The following SPTAN1 variants were observed in gnomAD, a reference collection of about 807,000 sequenced individuals.
SPTAN1 encodes spectrin alpha chain, non-erythrocytic 1.
SPTAN1 carries 61 observed loss-of-function variants against 331.3 expected under a neutral mutation model. The observed-to-expected ratio is 0.18, with a 90% CI of 0.15 to 0.23. SPTAN1 has a LOEUF of 0.23. Ranked by LOEUF, SPTAN1 falls within the 10% of genes least tolerant of loss-of-function variation. The probability of loss-of-function intolerance (pLI) is 1.00; values close to 1 mark genes in which losing one functional copy is unlikely to be tolerated. For synonymous variants in SPTAN1, 1,153 were observed against 1,173.9 expected (o/e 0.98, Z 0.36); for missense variants, 2,043 against 3,147.9 (o/e 0.65, Z 8.40).
At chr9:128,563,428 A>T (rs1849645430) in intron 1 of SPTAN1, among the ~76,000 whole-genome samples, 1 of 152,154 alleles carries the variant, frequency 6.6e-6, no homozygotes, top group Non-Finnish European at 1.5e-5. Flanking sequence ...ACAAAAAACA[A>T]AAAAACGCCA....
At chr9:128,628,483 A>G (rs1859142368) in intron 51 of SPTAN1, 2 of 314,288 alleles carry the variant, frequency 6.4e-6, no homozygotes, top group Middle Eastern at 1.2e-3. Context: ...CCGCCCTAAT[A>G]GAAGGCAAAA....
chr9:128,583,372 G>T, intron 15 of SPTAN1, 91 bp downstream of exon 15: 1 of 1,299,960 alleles, frequency 7.7e-7, no homozygotes, highest in Non-Finnish European at 1.1e-6. Flanking sequence ...TACCCCCCAA[G>T]AAAGGTGAGG....
rs78401969 is a variant in SPTAN1, at chr9:128,591,703, G to A, written c.3155+78G>A. On this transcript the variant is annotated intron_variant, in intron 22 of 56. Transcript: ENST00000372739. ...GTTCCACATGGGCCGAAGCTTAGGC[G>A]TGTCCTGAGGCTCCTGGAGCCCACC... The A allele has an allele frequency of 6.1e-4, 966 of 1,581,952 alleles. 8 individuals are homozygous for A. The African/African-American group carries it at 0.011, about 17-fold the overall frequency.
At chr9:128,599,709 C>G (rs982558106) in intron 26 of SPTAN1, 3 of 157,554 alleles carry the variant, frequency 1.9e-5, no homozygotes, top group South Asian at 1.3e-4. Context: ...AAAAAAAAGT[C>G]TTCTGTCTCT....
Position 128,624,376 on chromosome 9 carries a change from G to A in SPTAN1, c.5881G>A (p.Gly1961Arg), listed in dbSNP as rs142498180. Residue 1961 changes from glycine (G) to arginine (R), a missense_variant, in exon 46 of 57, where the codon GGG becomes AGG. Gly to Arg is a moderately radical substitution (Grantham distance 125). Coordinates refer to ENST00000372739, the MANE Select transcript of SPTAN1 (RefSeq NM_001130438.3). ...CTCTTCAAAGATGAAGGGCCTGAAC[G>A]GGAAAGTGTCAGACCTGGAGAAAGC... is the stretch of plus-strand genomic sequence containing the variant. ...NISSKMKGLN[G>R]KVSDLEKAAA... is the part of the protein sequence containing the mutation. The A allele has an allele frequency of 2.2e-5, 36 of 1,614,018 alleles. No individual in the cohort carries two copies. Among genetic ancestry groups the A allele is most frequent in the African/African-American group, 1.6e-4 (12 of 75,034 alleles).
Position 128,632,968 on chromosome 9 carries a change from GGAGGTGGGTGAA to G in SPTAN1, c.7308+20_7308+31del. ...GGAGCTCTACCAGGTATGGGCCTCAGGAGGTGGGTGAAGAGGTGTCCTTTGGAAAACTAAAGC... is the reference window on the plus strand; with the variant it reads ...GGAGCTCTACCAGGTATGGGCCTCAGGAGGTGTCCTTTGGAAAACTAAAGC... On this transcript the variant is annotated intron_variant, in intron 56 of 56. Coordinates refer to ENST00000372739, the MANE Select transcript of SPTAN1 (RefSeq NM_001130438.3). 6.2e-7 allele frequency: 1 copy of G among 1,610,378 alleles called. No homozygotes were observed. Among genetic ancestry groups the G allele is most frequent in the African/African-American group, 1.3e-5 (1 of 75,066 alleles).
chr9:128,628,221 C>T (rs936311232), intron 51 of SPTAN1: 10 of 608,484 alleles, frequency 1.6e-5, no homozygotes, highest in African/African-American at 1.1e-4. Context: ...TGATGAAGCA[C>T]GAAGGCCAGA....
chr9:128,599,224 T>TC (rs1854727831), intron 26 of SPTAN1: 3 of 520,832 alleles, frequency 5.8e-6, no homozygotes. Context: ...AACCTCCACC[T>TC]CCCAGGTTCA....
chr9:128,607,769 C>T (rs1202954268), intron 32 of SPTAN1, 66 bp downstream of exon 32: 1 of 1,610,540 alleles, frequency 6.2e-7, no homozygotes, highest in East Asian at 2.2e-5. Context: ...AGGCCTCATT[C>T]CCACCCTTTG....
chr9:128,568,918 G>T, intron 3 of SPTAN1, 21 bp downstream of exon 3: 1 of 1,613,794 alleles, frequency 6.2e-7, no homozygotes, highest in Non-Finnish European at 8.5e-7. Flanking sequence ...GTAGCTCGTG[G>T]AGTGGATGGC....
intron 1 of SPTAN1, among the ~76,000 whole-genome samples, chr9:128,562,824 G>T (rs1364982507): frequency 1.3e-5 from 2 of 151,718 alleles, no homozygotes; most frequent in Admixed American, 1.3e-4. Context: ...TATTAGCCGG[G>T]CGTGATGGCA....
chr9:128,589,374 C>T (rs1589237032), intron 21 of SPTAN1, among the ~76,000 whole-genome samples: 1 of 151,174 alleles, frequency 6.6e-6, no homozygotes, highest in African/African-American at 2.4e-5. Flanking sequence ...CTGCAAGCTC[C>T]GCCTCCTGCG....
intron 24 of SPTAN1, among the ~76,000 whole-genome samples, chr9:128,597,126 C>G (rs1176025089): frequency 6.6e-6 from 1 of 152,058 alleles, no homozygotes; most frequent in East Asian, 1.9e-4. Context: ...CGCCACTGCA[C>G]TCCAGTCTGG....
intron 39 of SPTAN1, among the ~76,000 whole-genome samples, chr9:128,612,924 C>CAA (rs533329807): frequency 2.1e-5 from 3 of 141,668 alleles, no homozygotes; most frequent in Admixed American, 1.4e-4. Context: ...GACTTCATCT[C>CAA]AAAAAAAAAA....
rs1283866609 is a variant in SPTAN1 at position 128,555,333 on chromosome 9, C to T, written c.-4+2637C>T. 3.1e-6 allele frequency: 4 copies of T among 1,287,894 alleles called. No homozygotes were observed. In the South Asian group the frequency reaches 5.0e-5, roughly 16 times the overall value. The allele number at this position is 1,287,894 out of a possible 1,614,324, so 79.8% of individuals were successfully genotyped here. On this transcript the variant is annotated intron_variant, in intron 1 of 56. Coordinates refer to ENST00000372739, the MANE Select transcript of SPTAN1 (RefSeq NM_001130438.3). The stretch of plus-strand genomic sequence containing the variant: ...CTTAGAAGCTTGTTATCTTGCTCTT[C>T]CCCCTCCCTCTTTAGACTCCACATT...
chr9:128,633,618 ATC>A lies in SPTAN1; in HGVS notation c.*286_*287del. 8.0e-7 allele frequency: 1 copy of A among 1,250,132 alleles called. No homozygotes were observed. Among genetic ancestry groups the A allele is most frequent in the African/African-American group, 1.5e-5 (1 of 67,114 alleles). 77.4% of individuals were successfully genotyped at this position (1,250,132 alleles called of 1,614,324 possible). On this transcript the variant is annotated 3_prime_UTR_variant, in exon 57 of 57. Coordinates refer to ENST00000372739, the MANE Select transcript of SPTAN1 (RefSeq NM_001130438.3). ...TGTTCTCTCTCCCACCCTCCCCCAA[ATC>A]TGTTTTCATGTAAAAGACAAATAAA...
rs755356541 is a variant in SPTAN1, at chr9:128,581,870, G to C, written c.1550G>C (p.Ser517Thr). ...KKHEDFEKSLSAQEEKITALD... is the reference protein window; with the variant it reads ...KKHEDFEKSLTAQEEKITALD... Reference sequence around the variant, plus strand: ...CACGAAGACTTTGAGAAATCCCTTAGTGCCCAGGAGGAAAAGATTACAGTA... The same window carrying C: ...CACGAAGACTTTGAGAAATCCCTTACTGCCCAGGAGGAAAAGATTACAGTA... The change falls in exon 12 of 57, where the codon AGT (serine) becomes ACT (threonine). Residue 517 changes from serine (S) to threonine (T), a missense_variant. Around this residue, in one of 12 missense-constraint regions of SPTAN1, gnomAD observed 1,038 missense variants for 1,531.5 expected, o/e 0.68. Coordinates refer to ENST00000372739, the MANE Select transcript of SPTAN1 (RefSeq NM_001130438.3). 1.2e-5 allele frequency: 20 copies of C among 1,613,518 alleles called. No individual in the cohort carries two copies. The highest frequency in any genetic ancestry group is 1.6e-5 in the Non-Finnish European group (19 of 1,179,618).
chr9:128,590,524 C>T (rs527742392), intron 21 of SPTAN1, among the ~76,000 whole-genome samples: 3 of 131,802 alleles, frequency 2.3e-5, no homozygotes, highest in East Asian at 4.4e-4. Flanking sequence ...GGGCACATAG[C>T]GAGACCTCAT....
In SPTAN1 at chr9:128,566,899, T is replaced by A. The variant is rs753691473; in HGVS notation, c.159T>A (p.Ala53=). 2 of 1,614,204 alleles carry A rather than the reference T, an allele frequency of 1.2e-6. No individual in the cohort carries two copies. Among genetic ancestry groups the A allele is most frequent in the Non-Finnish European group, 1.7e-6 (2 of 1,180,034 alleles). ...GATTCCAGTTCTTTCAAAGAGATGCTGAAGAGCTGGAGAAATGGATACAGG... is the reference window on the plus strand; with the variant it reads ...GATTCCAGTTCTTTCAAAGAGATGCAGAAGAGCTGGAGAAATGGATACAGG... ...SYRFQFFQRD[A]EELEKWIQEK... is the part of the protein sequence containing the mutation. Residue 53 remains alanine, a synonymous_variant, in exon 2 of 57, where the codon GCT becomes GCA. Transcript: ENST00000372739.
Sources: allele counts gnomAD v4.1 joint callset (sites outside exome capture counted in the v4.1 genomes callset), GRCh38; gene constraint gnomAD v4.1.1; regional missense constraint gnomAD v4.1.1; transcripts MANE v1.5; gene names NCBI Gene and HGNC (gene_info 2026-07-23, HGNC 2026-07-21).